FGF12: variants seen among roughly 807,000 people sequenced by gnomAD.
The protein encoded by FGF12 is fibroblast growth factor 12B.
A neutral mutation model predicts 23.6 loss-of-function variants in FGF12; 14 were observed. The observed-to-expected ratio is 0.59, with a 90% CI of 0.39 to 0.93. The LOEUF (loss-of-function observed/expected upper bound fraction) is 0.93. Ranked by LOEUF, FGF12 falls within the 40% of genes least tolerant of loss-of-function variation. The probability of loss-of-function intolerance (pLI) is 0.00; values close to 1 mark genes in which losing one functional copy is unlikely to be tolerated. For synonymous variants in FGF12, 62 were observed against 77.3 expected (o/e 0.80, Z 1.04); for missense variants, 175 against 217.8 (o/e 0.80, Z 1.24).
At chr3:192,283,138 A>T (rs1714248239) in intron 4 of FGF12, 1 of 152,110 alleles carries the variant, frequency 6.6e-6, no homozygotes, top group Non-Finnish European at 1.5e-5. Context: ...AATTTTCGTG[A>T]CATGAATGGC....
intron 2 of FGF12, among the ~76,000 whole-genome samples, chr3:192,489,528 A>T (rs1157399032): frequency 6.6e-6 from 1 of 152,076 alleles, no homozygotes; most frequent in African/African-American, 2.4e-5. Context: ...AGCCAAACTT[A>T]ATAATACTAT....
intron 5 of FGF12, among the ~76,000 whole-genome samples, chr3:192,161,849 G>A (rs1354734083): frequency 6.6e-6 from 1 of 152,082 alleles, no homozygotes; most frequent in African/African-American, 2.4e-5. Flanking sequence ...TTTGAAATTT[G>A]AGAGTGCTAG....
intron 2 of FGF12, among the ~76,000 whole-genome samples, chr3:192,710,916 T>C (rs1262569212): frequency 1.3e-5 from 2 of 152,138 alleles, no homozygotes; most frequent in Non-Finnish European, 2.9e-5. Context: ...TGGAAGAGTC[T>C]TCTTTGAGGA....
chr3:192,241,612 A>ACT (rs1016989101), intron 4 of FGF12, among the ~76,000 whole-genome samples: 1 of 151,806 alleles, frequency 6.6e-6, no homozygotes, highest in African/African-American at 2.4e-5. Context: ...CAGAAGCAGC[A>ACT]CTCTCTCTCT....
intron 4 of FGF12, among the ~76,000 whole-genome samples, chr3:192,201,495 C>T (rs955036959): frequency 6.6e-6 from 1 of 152,202 alleles, no homozygotes; most frequent in Non-Finnish European, 1.5e-5. Context: ...ACATTATCCT[C>T]ACCACATCTC....
At chr3:192,500,088 A>C (rs1469147803) in intron 2 of FGF12, among the ~76,000 whole-genome samples, 4 of 152,140 alleles carry the variant, frequency 2.6e-5, no homozygotes, top group African/African-American at 7.2e-5. Context: ...CTGCCTTAGA[A>C]ATGCACTTAC....
chr3:192,709,795 A>G (rs1718605122), intron 2 of FGF12, among the ~76,000 whole-genome samples: 1 of 152,186 alleles, frequency 6.6e-6, no homozygotes, highest in South Asian at 2.1e-4. Context: ...TCCACCCCCT[A>G]GAGCCTCCAG....
intron 5 of FGF12, among the ~76,000 whole-genome samples, chr3:192,155,023 G>GT (rs577497575): frequency 0.039 from 5,820 of 148,442 alleles, 156 homozygotes; most frequent in South Asian, 0.056. Context: ...GTGGTGCGCC[G>GT]TTTTTTAAGC....
At chr3:192,148,223 CA>C (rs1713834788) in intron 5 of FGF12, among the ~76,000 whole-genome samples, 1 of 152,104 alleles carries the variant, frequency 6.6e-6, no homozygotes. Flanking sequence ...TGTCCATTGA[CA>C]AATGAATGGG....
intron 2 of FGF12, among the ~76,000 whole-genome samples, chr3:192,654,613 T>A (rs139739630): frequency 6.6e-6 from 1 of 152,284 alleles, no homozygotes; most frequent in Non-Finnish European, 1.5e-5. Flanking sequence ...TCCCATTTTA[T>A]AGATGAAAAG....
At chr3:192,688,458 G>A (rs1177131990) in intron 2 of FGF12, among the ~76,000 whole-genome samples, 4 of 152,334 alleles carry the variant, frequency 2.6e-5, no homozygotes, top group Middle Eastern at 6.8e-3. Flanking sequence ...GTAAGGCTTT[G>A]TAAGGCTACA....
At position 192,607,700 on chromosome 3, in the gene FGF12, T is replaced by G. The variant is rs139656379; in HGVS notation, c.13+119481A>C. Among the ~76,000 whole-genome samples, 231 of 152,206 alleles carry G rather than the reference T, an allele frequency of 1.5e-3. 1 individual carries two copies. Among genetic ancestry groups the G allele is most frequent in the African/African-American group, 5.2e-3 (218 of 41,554 alleles). On this transcript the variant is annotated intron_variant, in intron 2 of 5. Coordinates refer to ENST00000445105, the MANE Select transcript of FGF12 (RefSeq NM_004113.6). ...TCTGATGTATGATTCATTAATTTTA[T>G]TTAAGCTCCCCATGTATTTCAATAG...
rs75956390 is a variant in FGF12 at position 192,217,183 on chromosome 3, A to C, written c.229-46527T>G. On this transcript the variant is annotated intron_variant, in intron 4 of 5. Transcript: ENST00000445105. ...GCCTTAGTTTCCTCATCCCTAAAAG[A>C]GGGATAATGAAGGTACCTCTTTCAT... 3.4e-3 allele frequency among the ~76,000 whole-genome samples: 511 copies of C among 152,290 alleles called. 1 individual carries two copies. The highest frequency in any genetic ancestry group is 0.012 in the African/African-American group (489 of 41,566).
At chr3:192,248,157 C>T (rs776028340) in intron 4 of FGF12, among the ~76,000 whole-genome samples, 56 of 152,272 alleles carry the variant, frequency 3.7e-4, no homozygotes, top group Non-Finnish European at 4.3e-4. Context: ...TTATAATACA[C>T]ATGTTCAAAG....
chr3:192,571,511 G>C (rs1479968478), intron 2 of FGF12, among the ~76,000 whole-genome samples: 1 of 152,208 alleles, frequency 6.6e-6, no homozygotes, highest in Non-Finnish European at 1.5e-5. Context: ...GGGCGGACGG[G>C]ACCCACTGCC....
At chr3:192,687,571 G>A (rs1717790373) in intron 2 of FGF12, among the ~76,000 whole-genome samples, 2 of 152,112 alleles carry the variant, frequency 1.3e-5, no homozygotes, top group South Asian at 4.1e-4. Flanking sequence ...CTCTAAAGGA[G>A]CTCCGGCCCA....
chr3:192,632,668 T>C (rs1430448993), intron 2 of FGF12, among the ~76,000 whole-genome samples: 1 of 152,208 alleles, frequency 6.6e-6, no homozygotes, highest in East Asian at 1.9e-4. Flanking sequence ...TTGATTCTGG[T>C]TCATTAATTC....
chr3:192,198,073 T>G (rs897392516), intron 4 of FGF12, among the ~76,000 whole-genome samples: 1 of 151,814 alleles, frequency 6.6e-6, no homozygotes, highest in Non-Finnish European at 1.5e-5. Context: ...ACTTCTTAAC[T>G]TTATAGTTTT....
chr3:192,354,714 T>C (rs1056163096), intron 3 of FGF12, among the ~76,000 whole-genome samples: 1 of 152,150 alleles, frequency 6.6e-6, no homozygotes, highest in African/African-American at 2.4e-5. Context: ...TTTGTTTGTT[T>C]TTAGTTTTCG....
Sources: gnomAD v4.1 joint callset for allele counts (sites outside exome capture counted in the v4.1 genomes callset) on GRCh38, gnomAD v4.1.1 for gene constraint, MANE v1.5 for transcripts, NCBI Gene and HGNC (gene_info 2026-07-23, HGNC 2026-07-21) for gene names.